The following VAMP7 variants were observed in gnomAD, a reference collection of about 807,000 sequenced individuals.
VAMP7 encodes the protein vesicle associated membrane protein 7.
In VAMP7, 14 loss-of-function variants were observed where a neutral mutation model predicts 29.6. The observed-to-expected ratio is 0.47, with a 90% CI of 0.31 to 0.74. The LOEUF (loss-of-function observed/expected upper bound fraction) is 0.74. Among genes scored for constraint, VAMP7 ranks in the 30% least tolerant of loss-of-function variants. VAMP7 has a pLI of 0.05. For missense variants in VAMP7, 223 were observed against 262.4 expected (o/e 0.85, Z 1.04); for synonymous variants, 95 against 88.1 (o/e 1.08, Z -0.44).
intron 6 of VAMP7, among the ~76,000 whole-genome samples, chrX:155,928,530 C>G (rs2066503194): frequency 6.6e-6 from 1 of 152,144 alleles, no homozygotes; most frequent in Admixed American, 6.5e-5. Flanking sequence ...GTCTCTGCCT[C>G]CATGTTCACA....
At chrX:155,930,797 G>T (rs1380666724) in intron 6 of VAMP7, among the ~76,000 whole-genome samples, 1 of 151,482 alleles carries the variant, frequency 6.6e-6, no homozygotes, top group Admixed American at 6.6e-5. Context: ...TGCCGTGTTG[G>T]TGTGCTGCAC....
intron 5 of VAMP7, among the ~76,000 whole-genome samples, chrX:155,906,757 TAG>T (rs1271255653): frequency 6.6e-6 from 1 of 152,192 alleles, no homozygotes; most frequent in African/African-American, 2.4e-5. Context: ...TACTTGCAAA[TAG>T]AGATAGTTTT....
At chrX:155,888,083 T>A (rs1435461340) in intron 1 of VAMP7, among the ~76,000 whole-genome samples, 1 of 152,104 alleles carries the variant, frequency 6.6e-6, no homozygotes, top group East Asian at 1.9e-4. Context: ...AAGAAGATGG[T>A]TGAGATCACA....
intron 6 of VAMP7, among the ~76,000 whole-genome samples, chrX:155,935,629 C>G (rs2066640589): frequency 6.6e-6 from 1 of 151,890 alleles, no homozygotes; most frequent in Non-Finnish European, 1.5e-5. Context: ...TTTTTAGCTT[C>G]TTTGTGCTGG....
chrX:155,913,376 A>T (rs1332518976), intron 5 of VAMP7, among the ~76,000 whole-genome samples: 1 of 152,132 alleles, frequency 6.6e-6, no homozygotes, highest in African/African-American at 2.4e-5. Flanking sequence ...CTTTGCTTTA[A>T]TTAGATCCCA....
At chrX:155,901,373 C>T (rs1047176382) in intron 5 of VAMP7, among the ~76,000 whole-genome samples, 1 of 151,504 alleles carries the variant, frequency 6.6e-6, no homozygotes, top group Non-Finnish European at 1.5e-5. Context: ...TTTTTGTCAC[C>T]AAATGTATTT....
At chrX:155,930,706 T>C (rs1302613128) in intron 6 of VAMP7, among the ~76,000 whole-genome samples, 2 of 150,664 alleles carry the variant, frequency 1.3e-5, no homozygotes, top group South Asian at 2.1e-4. Flanking sequence ...ATTTTTTTTA[T>C]AAATATATAT....
At chrX:155,929,813 T>C (rs2066522006) in intron 6 of VAMP7, among the ~76,000 whole-genome samples, 1 of 152,138 alleles carries the variant, frequency 6.6e-6, no homozygotes, top group Admixed American at 6.5e-5. Flanking sequence ...GCTGGAGCCA[T>C]GGCATGAACA....
At chrX:155,892,848 G>A (rs940401706) in intron 2 of VAMP7, among the ~76,000 whole-genome samples, 23 of 151,966 alleles carry the variant, frequency 1.5e-4, no homozygotes, top group Non-Finnish European at 3.4e-4. Flanking sequence ...CACTTCCTGG[G>A]TTCAAGTGAT....
At chrX:155,898,368 A>G (rs2066015276) in intron 4 of VAMP7, 119 bp downstream of exon 4, 3 of 1,304,136 alleles carry the variant, frequency 2.3e-6, no homozygotes, top group Non-Finnish European at 3.1e-6. Context: ...ACTGTAAGCC[A>G]ACATAATAAA....
intron 5 of VAMP7, among the ~76,000 whole-genome samples, chrX:155,901,527 C>G (rs1280643715): frequency 6.6e-6 from 1 of 151,992 alleles, no homozygotes; most frequent in South Asian, 2.1e-4. Flanking sequence ...CAAATTTAAT[C>G]CATCTTGAAT....
chrX:155,900,012 C>T (rs1193722459), intron 4 of VAMP7, among the ~76,000 whole-genome samples: 2 of 151,888 alleles, frequency 1.3e-5, no homozygotes, highest in Non-Finnish European at 2.9e-5. Context: ...TGTGAGAAGC[C>T]AATAAAAATA....
At chrX:155,939,984 T>C (rs1002799323) in intron 7 of VAMP7, among the ~76,000 whole-genome samples, 191 bp downstream of exon 7, 7 of 151,602 alleles carry the variant, frequency 4.6e-5, no homozygotes, top group Non-Finnish European at 1.0e-4. Flanking sequence ...CTCCTTCCTA[T>C]TGAGAATTAT....
At chrX:155,920,201 G>T (rs765718448) in intron 6 of VAMP7, among the ~76,000 whole-genome samples, 1 of 152,270 alleles carries the variant, frequency 6.6e-6, no homozygotes, top group Admixed American at 6.5e-5. Flanking sequence ...TTACAAATTT[G>T]TAAAACATGA....
chrX:155,890,976 A>G (rs1211836977), intron 2 of VAMP7, among the ~76,000 whole-genome samples: 1 of 152,164 alleles, frequency 6.6e-6, no homozygotes, highest in African/African-American at 2.4e-5. Context: ...TGGCTCTGCC[A>G]TTTCCAATTC....
intron 1 of VAMP7, among the ~76,000 whole-genome samples, chrX:155,882,968 C>G (rs1414275522): frequency 6.6e-6 from 1 of 152,166 alleles, no homozygotes; most frequent in African/African-American, 2.4e-5. Flanking sequence ...GAGGTGAGAT[C>G]ATCACAAAAC....
intron 5 of VAMP7, among the ~76,000 whole-genome samples, chrX:155,904,142 G>A (rs2066112226): frequency 6.9e-6 from 1 of 144,062 alleles, no homozygotes; most frequent in Admixed American, 7.4e-5. Context: ...ACTCATAGGT[G>A]AGAATTGAAC....
At chrX:155,895,488 G>A in intron 2 of VAMP7, 135 bp from the exon 3 acceptor site, 2 of 600,590 alleles carry the variant, frequency 3.3e-6, no homozygotes, top group Non-Finnish European at 6.1e-6. Flanking sequence ...GGAAGGGGAA[G>A]AGGGAGAAGA....
Position 155,942,334 on chromosome X carries a change from G to A in VAMP7, c.*383G>A, listed in dbSNP as rs2066758184. The A allele has an allele frequency of 9.1e-6, 6 of 658,710 alleles. No homozygotes were observed. Among genetic ancestry groups the A allele is most frequent in the Non-Finnish European group, 1.5e-5 (6 of 397,686 alleles). The allele number at this position is 658,710 out of a possible 1,614,324, so 40.8% of individuals were successfully genotyped here. A position where few individuals can be genotyped will look rare whatever the true frequency, so the allele number is the denominator to read the frequency against. Reference sequence around the variant, plus strand: ...TATGTGCACACAAAAGTATTCAAGAGACAGTATTGCTAACATCTCATCTTA... The same window carrying A: ...TATGTGCACACAAAAGTATTCAAGAAACAGTATTGCTAACATCTCATCTTA... On this transcript the variant is annotated 3_prime_UTR_variant, in exon 8 of 8. Coordinates refer to ENST00000286448, the MANE Select transcript of VAMP7 (RefSeq NM_005638.6).
Sources: allele counts gnomAD v4.1 joint callset (sites outside exome capture counted in the v4.1 genomes callset), GRCh38; gene constraint gnomAD v4.1.1; transcripts MANE v1.5; gene names NCBI Gene and HGNC (gene_info 2026-07-23, HGNC 2026-07-21).